Variants in ABCC4 observed in about 807,000 individuals in gnomAD.
ABCC4 encodes the protein ATP-binding cassette sub-family C member 4.
In ABCC4, 102 loss-of-function variants were observed where a neutral mutation model predicts 168.5. That is an observed-to-expected ratio of 0.61 (90% CI 0.52 to 0.71). ABCC4 has a LOEUF of 0.71. ABCC4 is among the 30% of genes least tolerant of loss of function. The pLI is 0.00. For missense variants in ABCC4, 1,402 were observed against 1,605.8 expected, an observed-to-expected ratio of 0.87 and a Z score of 2.17; for synonymous variants, 617 against 590.7, an observed-to-expected ratio of 1.04 and a Z score of -0.65.
intron 5 of ABCC4, 76 bp downstream of exon 5, chr13:95,210,616 C>G: frequency 1.6e-6 from 2 of 1,265,814 alleles, no homozygotes; most frequent in South Asian, 2.5e-5. Flanking sequence ...AGAGTGAGCC[C>G]CTGCCTCCAG....
At chr13:95,211,049 TAA>T (rs901906356) in intron 4 of ABCC4, among the ~76,000 whole-genome samples, 3 of 152,064 alleles carry the variant, frequency 2.0e-5, no homozygotes, top group Admixed American at 1.3e-4. Flanking sequence ...CAAAAGGACA[TAA>T]GTTTCTACTT....
At chr13:95,099,930 A>G (rs1024323516) in intron 20 of ABCC4, among the ~76,000 whole-genome samples, 2 of 152,232 alleles carry the variant, frequency 1.3e-5, no homozygotes, top group African/African-American at 4.8e-5. Context: ...TAGTGACTGC[A>G]AGATTTTAAT....
chr13:95,111,210 C>T (rs1352676802), intron 20 of ABCC4, among the ~76,000 whole-genome samples: 1 of 152,110 alleles, frequency 6.6e-6, no homozygotes, highest in East Asian at 1.9e-4. Context: ...CTGTGAAGAG[C>T]CATTCTATGT....
At chr13:95,176,973 A>C (rs1375083562) in intron 13 of ABCC4, among the ~76,000 whole-genome samples, 1 of 152,250 alleles carries the variant, frequency 6.6e-6, no homozygotes, top group East Asian at 1.9e-4. Context: ...TCAGTGTCTA[A>C]GCAAGAGCCA....
At chr13:95,241,312 C>T (rs1263405866) in intron 3 of ABCC4, among the ~76,000 whole-genome samples, 1 of 151,206 alleles carries the variant, frequency 6.6e-6, no homozygotes, top group African/African-American at 2.4e-5. Context: ...TTGCAGTGAG[C>T]CGAGATCGTG....
At chr13:95,052,806 T>A (rs1296726147) in intron 27 of ABCC4, among the ~76,000 whole-genome samples, 2 of 152,160 alleles carry the variant, frequency 1.3e-5, no homozygotes, top group African/African-American at 4.8e-5. Context: ...GGATCTCAAC[T>A]CATAAATACA....
chr13:95,163,515 G>A, intron 17 of ABCC4, 95 bp downstream of exon 17: 1 of 1,174,100 alleles, frequency 8.5e-7, no homozygotes, highest in Non-Finnish European at 1.2e-6. Flanking sequence ...GATTAGAAGA[G>A]AAGGATCAAC....
At chr13:95,038,374 C>CAAAAAAAA (rs74617293) in intron 29 of ABCC4, among the ~76,000 whole-genome samples, 7 of 97,514 alleles carry the variant, frequency 7.2e-5, no homozygotes, top group East Asian at 3.1e-4. Context: ...AGCCCATACT[C>CAAAAAAAA]AAAAAAAAAA....
At chr13:95,161,855 T>C (rs1296178344) in intron 18 of ABCC4, 1 of 152,194 alleles carries the variant, frequency 6.6e-6, no homozygotes, top group Non-Finnish European at 1.5e-5. Flanking sequence ...ATAATTGAAT[T>C]GCAAGAAAAC....
chr13:95,085,586 G>A (rs759073410), intron 20 of ABCC4, among the ~76,000 whole-genome samples: 10 of 152,180 alleles, frequency 6.6e-5, no homozygotes, highest in Non-Finnish European at 1.2e-4. Context: ...AATCACTTGC[G>A]GGTCGCAATC....
chr13:95,215,445 AAAC>A (rs2039083772), intron 4 of ABCC4, among the ~76,000 whole-genome samples: 1 of 152,248 alleles, frequency 6.6e-6, no homozygotes, highest in African/African-American at 2.4e-5. Context: ...TTACTTTGAA[AAAC>A]AACTAGCTGC....
intron 4 of ABCC4, among the ~76,000 whole-genome samples, chr13:95,214,788 A>G (rs1824913): frequency 0.75 from 112,276 of 150,506 alleles, 42,671 homozygotes; most frequent in Non-Finnish European, 0.84. Context: ...CCGGAGGCTC[A>G]GGCAGGAAAA....
chr13:95,041,545 G>C (rs1489467094), intron 29 of ABCC4, among the ~76,000 whole-genome samples: 2 of 152,298 alleles, frequency 1.3e-5, no homozygotes, highest in Non-Finnish European at 2.9e-5. Flanking sequence ...CACTTCCCCA[G>C]CCACTCCCTG....
chr13:95,177,306 G>A (rs961922305), intron 13 of ABCC4, among the ~76,000 whole-genome samples: 6 of 152,174 alleles, frequency 3.9e-5, no homozygotes, highest in Non-Finnish European at 5.9e-5. Context: ...GAGGAAAAGA[G>A]CTGAAAGACA....
intron 30 of ABCC4, among the ~76,000 whole-genome samples, chr13:95,022,748 T>C (rs1476005523): frequency 6.6e-6 from 1 of 152,190 alleles, no homozygotes; most frequent in Non-Finnish European, 1.5e-5. Flanking sequence ...GTGGGTGCTG[T>C]CAACAAAGTT....
chr13:95,075,752 CTCACA>C lies in ABCC4; in HGVS notation c.2687-206_2687-202del, dbSNP rs1392353396. On this transcript the variant is annotated intron_variant, in intron 21 of 30. Transcript: ENST00000645237. The stretch of plus-strand genomic sequence containing the variant: ...TCTCAAGCTCCTGCTCAAACCACAC[CTCACA>C]TAAGGGGCCTGGAAATAAACGTCCT... The C allele has an allele frequency of 7.1e-6, 4 of 563,748 alleles. No individual in the cohort carries two copies. The African/African-American group carries it at 7.5e-5, about 11-fold the overall frequency. 34.9% of individuals were successfully genotyped at this position (563,748 alleles called of 1,614,324 possible). A position where few individuals can be genotyped will look rare whatever the true frequency, so the allele number is the denominator to read the frequency against.
At chr13:95,219,700 G>T (rs1444977722) in intron 4 of ABCC4, among the ~76,000 whole-genome samples, 1 of 152,066 alleles carries the variant, frequency 6.6e-6, no homozygotes, top group Non-Finnish European at 1.5e-5. Context: ...GAGGGCCGAG[G>T]CAGAGACAGA....
intron 1 of ABCC4, among the ~76,000 whole-genome samples, chr13:95,270,075 G>C (rs1452703922): frequency 6.6e-6 from 1 of 152,114 alleles, no homozygotes; most frequent in Non-Finnish European, 1.5e-5. Context: ...AAGGAAGGGA[G>C]GGAGGAAGAC....
Position 95,034,603 on chromosome 13 carries a change from A to G in ABCC4, c.3870+2T>C. On this transcript the variant is annotated splice_donor_variant, in intron 30 of 30. Coordinates refer to ENST00000645237, the MANE Select transcript of ABCC4 (RefSeq NM_005845.5). LOFTEE classifies it high-confidence loss of function. ...AATTACAACTCCTTGGAGCACGCTC[A>G]CCTGTTTTGCTGTTTCAGTGAGGGC... The G allele has an allele frequency of 6.2e-7, 1 of 1,612,302 alleles. No homozygotes were observed. Among genetic ancestry groups the G allele is most frequent in the Non-Finnish European group, 8.5e-7 (1 of 1,179,648 alleles).
Sources: gnomAD v4.1 joint callset for allele counts (sites outside exome capture counted in the v4.1 genomes callset) on GRCh38, gnomAD v4.1.1 for gene constraint, MANE v1.5 for transcripts, NCBI Gene and HGNC (gene_info 2026-07-23, HGNC 2026-07-21) for gene names.